The following DCLK1 variants were observed in gnomAD, a reference collection of about 807,000 sequenced individuals.
DCLK1 encodes doublecortin like kinase 1, also known as serine/threonine-protein kinase DCLK1.
In DCLK1, 16 loss-of-function variants were observed where a neutral mutation model predicts 86.2. The observed-to-expected ratio is 0.19, with a 90% CI of 0.13 to 0.28. The LOEUF is 0.28. Ranked by LOEUF, DCLK1 falls within the 10% of genes least tolerant of loss-of-function variation. The pLI, the probability that DCLK1 is intolerant of heterozygous loss-of-function variation, is 1.00. For missense variants in DCLK1, 590 were observed against 940.2 expected, an observed-to-expected ratio of 0.63 and a Z score of 4.87; for synonymous variants, 369 against 370.5, an observed-to-expected ratio of 1.00 and a Z score of 0.05.
At chr13:35,830,068 G>A (rs1868826306) in intron 8 of DCLK1, among the ~76,000 whole-genome samples, 1 of 152,168 alleles carries the variant, frequency 6.6e-6, no homozygotes, top group South Asian at 2.1e-4. Context: ...GCACTGGAGT[G>A]TAAACCAAAT....
intron 3 of DCLK1, among the ~76,000 whole-genome samples, chr13:36,022,068 T>C (rs912091861): frequency 3.9e-5 from 6 of 152,062 alleles, no homozygotes; most frequent in Non-Finnish European, 7.4e-5. Context: ...GTGGAAATCA[T>C]ACAAAGTATG....
At chr13:35,976,776 C>T (rs1421664503) in intron 3 of DCLK1, among the ~76,000 whole-genome samples, 7 of 151,882 alleles carry the variant, frequency 4.6e-5, no homozygotes, top group Non-Finnish European at 8.8e-5. Context: ...CCTCGTGATC[C>T]GCCCGCCTCG....
intron 5 of DCLK1, chr13:35,855,428 A>G (rs1034832454): frequency 1.5e-6 from 2 of 1,370,912 alleles, no homozygotes; most frequent in Non-Finnish European, 2.0e-6. Flanking sequence ...AGTGAAGTAG[A>G]ATTAACCAGG....
intron 2 of DCLK1, among the ~76,000 whole-genome samples, chr13:36,122,242 G>A (rs1384684901): frequency 6.6e-6 from 1 of 151,978 alleles, no homozygotes; most frequent in African/African-American, 2.4e-5. Context: ...ATAGAAACTT[G>A]GAAAAAGCCC....
intron 6 of DCLK1, among the ~76,000 whole-genome samples, 176 bp downstream of exon 6, chr13:35,854,323 G>T (rs1169447634): frequency 6.6e-6 from 1 of 152,206 alleles, no homozygotes; most frequent in Non-Finnish European, 1.5e-5. Flanking sequence ...AGGTTACAGA[G>T]AAGCTAAAAG....
chr13:36,120,561 T>C (rs1252670961), intron 2 of DCLK1, among the ~76,000 whole-genome samples: 1 of 152,138 alleles, frequency 6.6e-6, no homozygotes, highest in East Asian at 1.9e-4. Flanking sequence ...CAAAATTGCC[T>C]AACAACACAT....
chr13:36,045,397 A>G (rs1003174469), intron 3 of DCLK1, among the ~76,000 whole-genome samples: 6 of 133,192 alleles, frequency 4.5e-5, no homozygotes, highest in East Asian at 2.4e-4. Context: ...AATTGCTAAC[A>G]TCAGTGAACT....
At chr13:35,938,415 G>A (rs1432779269) in intron 4 of DCLK1, among the ~76,000 whole-genome samples, 2 of 152,272 alleles carry the variant, frequency 1.3e-5, no homozygotes, top group East Asian at 3.9e-4. Flanking sequence ...GGATCACGAG[G>A]TCAGGAGATG....
intron 15 of DCLK1, among the ~76,000 whole-genome samples, chr13:35,794,703 G>A (rs549016896): frequency 6.6e-6 from 1 of 152,204 alleles, no homozygotes; most frequent in African/African-American, 2.4e-5. Context: ...TTCGTAACTT[G>A]GGTCTAACGG....
chr13:35,855,793 C>T (rs1871018213), intron 5 of DCLK1: 33 of 1,265,964 alleles, frequency 2.6e-5, no homozygotes, highest in South Asian at 3.3e-5. Context: ...ACAGCAACCC[C>T]CATCCCGACA....
intron 15 of DCLK1, among the ~76,000 whole-genome samples, chr13:35,802,678 T>C (rs1280129384): frequency 1.3e-5 from 2 of 152,070 alleles, no homozygotes; most frequent in Non-Finnish European, 2.9e-5. Flanking sequence ...AAGCCACCAT[T>C]CTTCAACAAT....
At chr13:36,113,721 T>C (rs979227286) in intron 2 of DCLK1, among the ~76,000 whole-genome samples, 4 of 152,104 alleles carry the variant, frequency 2.6e-5, no homozygotes, top group Admixed American at 2.6e-4. Flanking sequence ...CAAAACCTCA[T>C]TAGGTTTTTC....
intron 3 of DCLK1, among the ~76,000 whole-genome samples, chr13:36,047,785 G>A (rs1199309603): frequency 2.0e-5 from 3 of 152,124 alleles, no homozygotes; most frequent in Admixed American, 6.5e-5. Flanking sequence ...ACTATAATGA[G>A]CAATAGTATA....
Position 35,822,583 on chromosome 13 carries a change from T to C in DCLK1, c.1554+146A>G, listed in dbSNP as rs558328915. On this transcript the variant is annotated intron_variant, in intron 11 of 16. Coordinates refer to ENST00000360631, the MANE Select transcript of DCLK1 (RefSeq NM_001330071.2). Reference sequence around the variant, plus strand: ...ACTCATCTAGATCAACCTAAAAGGCTAGTTTCCAACTAGCTCCTGAAGGCT... The same window carrying C: ...ACTCATCTAGATCAACCTAAAAGGCCAGTTTCCAACTAGCTCCTGAAGGCT... 7.1e-6 allele frequency: 8 copies of C among 1,128,316 alleles called. No homozygotes were observed. The East Asian group carries it at 1.8e-4, about 25-fold the overall frequency. 69.9% of individuals were successfully genotyped at this position (1,128,316 alleles called of 1,614,324 possible).
At chr13:35,891,234 T>C (rs897387432) in intron 4 of DCLK1, among the ~76,000 whole-genome samples, 3 of 152,140 alleles carry the variant, frequency 2.0e-5, no homozygotes, top group Non-Finnish European at 4.4e-5. Flanking sequence ...TCTCAAGGAA[T>C]GGCATAAATG....
At chr13:35,901,999 T>G (rs1026565326) in intron 4 of DCLK1, among the ~76,000 whole-genome samples, 1 of 152,188 alleles carries the variant, frequency 6.6e-6, no homozygotes, top group Admixed American at 6.5e-5. Context: ...ATAGAACGGT[T>G]TATGTTTGGT....
rs141281666 is a variant in DCLK1 at position 35,974,780 on chromosome 13, T to C, written c.724-27323A>G. 7.8e-3 allele frequency among the ~76,000 whole-genome samples: 1,189 copies of C among 152,240 alleles called. 24 individuals carry two copies. Among genetic ancestry groups the C allele is most frequent in the East Asian group, 0.062 (320 of 5,158 alleles). ...AGTCTCAGGTATGTCTTTATAGAAG[T>C]GTAAGAACAAACTAATATAGAGGCC... On this transcript the variant is annotated intron_variant, in intron 3 of 16. Transcript: ENST00000360631.
intron 4 of DCLK1, among the ~76,000 whole-genome samples, chr13:35,939,116 G>A (rs377268595): frequency 2.0e-5 from 3 of 152,148 alleles, no homozygotes; most frequent in Admixed American, 6.5e-5. Context: ...CTAAAAGGTA[G>A]CTATGATCGG....
chr13:35,797,323 C>T (rs2086833127), intron 15 of DCLK1, among the ~76,000 whole-genome samples: 1 of 152,010 alleles, frequency 6.6e-6, no homozygotes, highest in South Asian at 2.1e-4. Context: ...CTTGCCTTCA[C>T]CTGGCTTTCC....
Sources: allele counts gnomAD v4.1 joint callset (sites outside exome capture counted in the v4.1 genomes callset), GRCh38; gene constraint gnomAD v4.1.1; transcripts MANE v1.5; gene names NCBI Gene and HGNC (gene_info 2026-07-23, HGNC 2026-07-21).